Variants in ATF6 observed in about 807,000 individuals in gnomAD.
ATF6 encodes the protein activating transcription factor 6, also known as cyclic AMP-dependent transcription factor ATF-6 alpha.
ATF6 carries 53 observed loss-of-function variants against 83.6 expected under a neutral mutation model. The observed-to-expected ratio is 0.63, with a 90% CI of 0.51 to 0.80. The LOEUF (loss-of-function observed/expected upper bound fraction) is 0.80. ATF6 is among the 30% of genes least tolerant of loss of function. ATF6 has a pLI of 0.00. For synonymous variants in ATF6, 288 were observed against 285.8 expected (o/e 1.01, Z -0.08); for missense variants, 744 against 797.9 (o/e 0.93, Z 0.81).
intron 15 of ATF6, among the ~76,000 whole-genome samples, chr1:161,913,772 A>C (rs1688037901): frequency 6.6e-6 from 1 of 152,194 alleles, no homozygotes; most frequent in African/African-American, 2.4e-5. Flanking sequence ...ATAGGTACCT[A>C]AGTTTCTCTG....
At chr1:161,857,645 A>G (rs1686792452) in intron 12 of ATF6, among the ~76,000 whole-genome samples, 1 of 152,158 alleles carries the variant, frequency 6.6e-6, no homozygotes, top group Admixed American at 6.5e-5. Context: ...GAATGGGCAA[A>G]TATTTGGGTA....
chr1:161,912,409 T>C (rs1414971699), intron 15 of ATF6, 29 bp downstream of exon 15: 1 of 1,479,100 alleles, frequency 6.8e-7, no homozygotes, highest in Admixed American at 1.9e-5. Flanking sequence ...GTATGAACAA[T>C]ATGAGATTTC....
intron 14 of ATF6, among the ~76,000 whole-genome samples, chr1:161,865,165 T>A (rs969147052): frequency 6.6e-6 from 1 of 152,034 alleles, no homozygotes; most frequent in Non-Finnish European, 1.5e-5. Context: ...CCTAGCTTTT[T>A]TTTTTTTCTT....
intron 4 of ATF6, among the ~76,000 whole-genome samples, chr1:161,791,112 G>GTC (rs1557961840): frequency 2.7e-5 from 4 of 149,878 alleles, no homozygotes; most frequent in South Asian, 2.1e-4. Flanking sequence ...GTCTCTGTGT[G>GTC]TGTGTGTGTG....
In ATF6 at chr1:161,784,011, C is replaced by A. The variant is rs1457699115; in HGVS notation, c.269C>A (p.Pro90His). Reference protein sequence around the residue: ...ICTVKDIKAEPQPLSPASSSY... With the variant: ...ICTVKDIKAEHQPLSPASSSY... ...CCAGTTAAAGATATTAAGGCAGAAC[C>A]TCAGCCACTTTCTCCAGCCTCCTCA... The change falls in exon 4 of 16, where the codon CCT becomes CAT. Residue 90 changes from proline (P) to histidine (H), a missense_variant. Physicochemically the swap from Pro to His is moderately conservative, Grantham distance 77. Coordinates refer to ENST00000367942, the MANE Select transcript of ATF6 (RefSeq NM_007348.4). 1.2e-6 allele frequency: 2 copies of A among 1,612,898 alleles called. No homozygotes were observed. Among genetic ancestry groups the A allele is most frequent in the African/African-American group, 2.7e-5 (2 of 74,878 alleles).
intron 14 of ATF6, among the ~76,000 whole-genome samples, chr1:161,901,555 A>G (rs926134703): frequency 6.6e-6 from 1 of 151,476 alleles, no homozygotes; most frequent in Admixed American, 6.6e-5. Context: ...GATTTTTAAT[A>G]TGTGATTTAA....
At chr1:161,792,361 A>G (rs1684904104) in intron 6 of ATF6, 34 bp downstream of exon 6, 2 of 1,574,824 alleles carry the variant, frequency 1.3e-6, no homozygotes, top group Admixed American at 1.7e-5. Context: ...GTGTAAATTT[A>G]TTTGGAGGGC....
intron 14 of ATF6, among the ~76,000 whole-genome samples, chr1:161,869,079 C>CAAAA (rs35932688): frequency 2.0e-5 from 3 of 149,026 alleles, no homozygotes; most frequent in Admixed American, 2.0e-4. Context: ...GTGATTATTG[C>CAAAA]AAAAAAAAAG....
intron 15 of ATF6, among the ~76,000 whole-genome samples, chr1:161,923,871 C>T (rs1688260837): frequency 6.6e-6 from 1 of 152,114 alleles, no homozygotes; most frequent in Non-Finnish European, 1.5e-5. Flanking sequence ...ACTCTTTCTG[C>T]CTTATGGCAA....
chr1:161,770,301 A>G (rs1684354519), intron 1 of ATF6, among the ~76,000 whole-genome samples: 1 of 152,206 alleles, frequency 6.6e-6, no homozygotes. Context: ...TACTATTTAC[A>G]GTGTTACAAA....
chr1:161,855,262 G>A (rs999089749), intron 12 of ATF6, among the ~76,000 whole-genome samples: 1 of 152,132 alleles, frequency 6.6e-6, no homozygotes, highest in Non-Finnish European at 1.5e-5. Flanking sequence ...GTCCATACTG[G>A]TGTGGTAGTC....
chr1:161,780,440 C>T lies in ATF6; in HGVS notation c.160-1472C>T, dbSNP rs558508327. On this transcript the variant is annotated intron_variant, in intron 2 of 15. Coordinates refer to ENST00000367942, the MANE Select transcript of ATF6 (RefSeq NM_007348.4). ...CCAGGCTGGAGTGCAGTGGCGCAAT[C>T]TCGGCTCACTGTAAGCTCCACCTCC... is the stretch of plus-strand genomic sequence containing the variant. Among the ~76,000 whole-genome samples the T allele has an allele frequency of 4.0e-5, 6 of 151,686 alleles. No individual in the cohort carries two copies. In the East Asian group the frequency reaches 1.2e-3, roughly 30 times the overall value.
At chr1:161,783,191 G>A (rs1420652375) in intron 3 of ATF6, among the ~76,000 whole-genome samples, 2 of 152,142 alleles carry the variant, frequency 1.3e-5, no homozygotes, top group Non-Finnish European at 2.9e-5. Context: ...TGCATTTCCA[G>A]CTTCAGAATT....
At chr1:161,826,076 A>G (rs926934832) in intron 9 of ATF6, among the ~76,000 whole-genome samples, 1 of 152,208 alleles carries the variant, frequency 6.6e-6, no homozygotes, top group African/African-American at 2.4e-5. Flanking sequence ...TTATATCGCA[A>G]ATTCACAGGC....
At chr1:161,926,612 C>T (rs568885036) in intron 15 of ATF6, among the ~76,000 whole-genome samples, 7 of 152,264 alleles carry the variant, frequency 4.6e-5, no homozygotes, top group South Asian at 2.1e-4. Flanking sequence ...ACTTCTGCTG[C>T]GTGCTGTTGG....
intron 14 of ATF6, among the ~76,000 whole-genome samples, chr1:161,865,032 A>G (rs1458218258): frequency 1.3e-5 from 2 of 152,240 alleles, no homozygotes; most frequent in Non-Finnish European, 2.9e-5. Context: ...TAATTACTGT[A>G]TTATTTGATC....
rs752382786 is a variant in ATF6 at position 161,802,276 on chromosome 1, A to T, written c.909+4A>T. ...CATGAGAAATGTCGGTTCAGATGTA[A>T]GTTTTGAAACTTAGTGCTTCTCTTA... On this transcript the variant is annotated splice_donor_region_variant and intron_variant, in intron 7 of 15. Transcript: ENST00000367942. 7.4e-6 allele frequency: 12 copies of T among 1,612,844 alleles called. 1 individual carries two copies. The Admixed American group carries it at 2.0e-4, about 27-fold the overall frequency.
At position 161,897,161 on chromosome 1, in the gene ATF6, C is replaced by T. The variant is rs563309276; in HGVS notation, c.1720-15135C>T. Among the ~76,000 whole-genome samples the T allele has an allele frequency of 4.0e-4, 61 of 152,140 alleles. 2 individuals carry two copies. The South Asian group carries it at 0.012, about 30-fold the overall frequency. ...TAAATATTATGTAAAGAGCTGGGCT[C>T]GGTGGCACACACCTGTAATCCTAGC... On this transcript the variant is annotated intron_variant, in intron 14 of 15. Coordinates refer to ENST00000367942, the MANE Select transcript of ATF6 (RefSeq NM_007348.4).
intron 12 of ATF6, among the ~76,000 whole-genome samples, chr1:161,859,591 G>A (rs1406607464): frequency 6.6e-6 from 1 of 152,120 alleles, no homozygotes; most frequent in African/African-American, 2.4e-5. Flanking sequence ...CTGACAAACC[G>A]CTTCTGAAAA....
Sources: allele counts gnomAD v4.1 joint callset (sites outside exome capture counted in the v4.1 genomes callset), GRCh38; gene constraint gnomAD v4.1.1; transcripts MANE v1.5; gene names NCBI Gene and HGNC (gene_info 2026-07-23, HGNC 2026-07-21).